Variants in RABGAP1L observed in about 807,000 individuals in gnomAD.
RABGAP1L encodes RAB GTPase activating protein 1 like.
Under a neutral mutation model 137.7 loss-of-function variants are expected in RABGAP1L, and 63 were observed. The observed-to-expected ratio is 0.46, with a 90% CI of 0.37 to 0.56. The LOEUF (loss-of-function observed/expected upper bound fraction) is 0.56, where lower values mean the gene tolerates loss of function less well. RABGAP1L is among the 20% of genes least tolerant of loss of function. The probability of loss-of-function intolerance (pLI) is 0.00; values close to 1 mark genes in which losing one functional copy is unlikely to be tolerated. For missense variants in RABGAP1L, 1,095 were observed against 1,244.0 expected (o/e 0.88, Z 1.80); for synonymous variants, 431 against 433.7 (o/e 0.99, Z 0.08).
At chr1:174,389,039 T>C (rs1172973579) in intron 12 of RABGAP1L, among the ~76,000 whole-genome samples, 1 of 151,866 alleles carries the variant, frequency 6.6e-6, no homozygotes, top group Non-Finnish European at 1.5e-5. Context: ...TTGATACATA[T>C]TTAGTAGGCA....
chr1:174,284,766 G>A (rs1175180656), intron 10 of RABGAP1L, among the ~76,000 whole-genome samples: 2 of 94,884 alleles, frequency 2.1e-5, no homozygotes, highest in African/African-American at 7.6e-5. Flanking sequence ...TTTTTGTGAT[G>A]GGGTCTCATT....
At chr1:174,630,858 G>A (rs1182924819) in intron 13 of RABGAP1L, among the ~76,000 whole-genome samples, 45 of 139,416 alleles carry the variant, frequency 3.2e-4, no homozygotes, top group African/African-American at 1.1e-3. Context: ...TGGATTCATT[G>A]ATTTTTTGAA....
At chr1:174,275,245 A>T (rs1166864474) in intron 8 of RABGAP1L, 2 of 152,196 alleles carry the variant, frequency 1.3e-5, no homozygotes, top group Non-Finnish European at 2.9e-5. Context: ...CTTACAAACC[A>T]AAAATTAGTC....
chr1:174,497,441 C>T (rs1449158928), intron 13 of RABGAP1L, among the ~76,000 whole-genome samples: 1 of 152,164 alleles, frequency 6.6e-6, no homozygotes, highest in African/African-American at 2.4e-5. Flanking sequence ...TATTGCCTTC[C>T]ACTGCCTTGC....
At chr1:174,171,454 C>T (rs1184706624) in intron 1 of RABGAP1L, among the ~76,000 whole-genome samples, 1 of 152,018 alleles carries the variant, frequency 6.6e-6, no homozygotes, top group African/African-American at 2.4e-5. Context: ...AGCAAATTAA[C>T]CTATCCATCT....
At chr1:174,374,309 T>A (rs765079722) in intron 12 of RABGAP1L, among the ~76,000 whole-genome samples, 3 of 152,150 alleles carry the variant, frequency 2.0e-5, no homozygotes, top group Non-Finnish European at 2.9e-5. Flanking sequence ...AGTTTATTTG[T>A]CCCTGATTCT....
intron 10 of RABGAP1L, among the ~76,000 whole-genome samples, chr1:174,295,736 C>G (rs1387717252): frequency 6.7e-6 from 1 of 148,908 alleles, no homozygotes; most frequent in Non-Finnish European, 1.5e-5. Context: ...CCAGTCTAGT[C>G]TCAAACACCT....
chr1:174,246,499 G>A (rs1672275355), intron 5 of RABGAP1L, among the ~76,000 whole-genome samples: 1 of 152,100 alleles, frequency 6.6e-6, no homozygotes, highest in Admixed American at 6.5e-5. Context: ...ACTAACCATG[G>A]CTTTAAAATA....
chr1:174,767,684 C>T lies in RABGAP1L; in HGVS notation c.2211+15330C>T, dbSNP rs974791155. On this transcript the variant is annotated intron_variant, in intron 18 of 25. Coordinates refer to ENST00000681986, the MANE Select transcript of RABGAP1L (RefSeq NM_001366446.1). ...GCAACCTTGTTGAACTCATTTTCAG[C>T]TTTAATATTCATGTATGTGTATTGT... is the stretch of plus-strand genomic sequence containing the variant. 2.6e-5 allele frequency among the ~76,000 whole-genome samples: 4 copies of T among 152,060 alleles called. No individual in the cohort carries two copies. The East Asian group carries it at 7.7e-4, about 29-fold the overall frequency.
At chr1:174,956,218 A>C (rs1668503081) in intron 19 of RABGAP1L, among the ~76,000 whole-genome samples, 1 of 152,242 alleles carries the variant, frequency 6.6e-6, no homozygotes, top group South Asian at 2.1e-4. Flanking sequence ...TGTTTGTTTT[A>C]AAAGACAGGG....
intron 19 of RABGAP1L, among the ~76,000 whole-genome samples, chr1:174,846,406 C>T (rs1573474589): frequency 6.6e-6 from 1 of 151,476 alleles, no homozygotes; most frequent in East Asian, 1.9e-4. Flanking sequence ...GAATGCCTCC[C>T]AGAGATTCTG....
chr1:174,172,796 C>A (rs926162423), intron 1 of RABGAP1L, among the ~76,000 whole-genome samples: 1 of 152,116 alleles, frequency 6.6e-6, no homozygotes. Context: ...TATTTTCTCC[C>A]AGTCCATAGG....
intron 11 of RABGAP1L, among the ~76,000 whole-genome samples, chr1:174,340,852 T>C (rs1056583011): frequency 5.3e-5 from 8 of 152,242 alleles, no homozygotes; most frequent in Non-Finnish European, 1.0e-4. Flanking sequence ...TGCCACATTG[T>C]CTTCCACAAT....
chr1:174,911,577 C>G (rs1343727482), intron 19 of RABGAP1L, among the ~76,000 whole-genome samples: 1 of 152,158 alleles, frequency 6.6e-6, no homozygotes, highest in East Asian at 1.9e-4. Flanking sequence ...ATGACACCAT[C>G]TTATTAAATT....
At chr1:174,821,537 AT>A (rs1214263205) in intron 19 of RABGAP1L, among the ~76,000 whole-genome samples, 1 of 152,086 alleles carries the variant, frequency 6.6e-6, no homozygotes, top group Non-Finnish European at 1.5e-5. Context: ...CTAGAATTTA[AT>A]TTTTTTTCTC....
chr1:174,602,395 T>G (rs1203564908), intron 13 of RABGAP1L, among the ~76,000 whole-genome samples: 1 of 151,938 alleles, frequency 6.6e-6, no homozygotes, highest in Non-Finnish European at 1.5e-5. Flanking sequence ...TACACCAGAA[T>G]AGCAGGGGAA....
intron 18 of RABGAP1L, among the ~76,000 whole-genome samples, chr1:174,784,391 C>T (rs1687296835): frequency 6.6e-6 from 1 of 152,000 alleles, no homozygotes; most frequent in Non-Finnish European, 1.5e-5. Flanking sequence ...CTCTTTAGTG[C>T]TCTGTTGTCA....
At chr1:174,466,739 A>ATCAC (rs1378868273) in intron 13 of RABGAP1L, among the ~76,000 whole-genome samples, 1 of 152,222 alleles carries the variant, frequency 6.6e-6, no homozygotes, top group East Asian at 1.9e-4. Context: ...ATGAGCCAAG[A>ATCAC]TCACGCCACT....
intron 13 of RABGAP1L, among the ~76,000 whole-genome samples, chr1:174,572,657 A>C (rs891111050): frequency 6.6e-6 from 1 of 152,182 alleles, no homozygotes; most frequent in Admixed American, 6.5e-5. Context: ...CTGAGACTGC[A>C]GGCGTGAGCC....
Sources: gnomAD v4.1 joint callset for allele counts (sites outside exome capture counted in the v4.1 genomes callset) on GRCh38, gnomAD v4.1.1 for gene constraint, MANE v1.5 for transcripts, NCBI Gene and HGNC (gene_info 2026-07-23, HGNC 2026-07-21) for gene names.